The following ZC3H11A variants were observed in gnomAD, a reference collection of about 807,000 sequenced individuals.
The protein encoded by ZC3H11A is zinc finger CCCH domain-containing protein 11A.
Under a neutral mutation model 90.8 loss-of-function variants are expected in ZC3H11A, and 22 were observed. The observed-to-expected ratio is 0.24, with a 90% CI of 0.17 to 0.35. The LOEUF (loss-of-function observed/expected upper bound fraction) is 0.35. Ranked by LOEUF, ZC3H11A falls within the 10% of genes least tolerant of loss-of-function variation. The pLI, the probability that ZC3H11A is intolerant of heterozygous loss-of-function variation, is 1.00. For missense variants in ZC3H11A, 701 were observed against 964.9 expected (o/e 0.73, Z 3.62); for synonymous variants, 294 against 339.8 (o/e 0.87, Z 1.48).
chr1:203,797,802 C>A (rs904831183), intron 1 of ZC3H11A: 3 of 1,535,912 alleles, frequency 2.0e-6, no homozygotes, highest in Non-Finnish European at 2.6e-6. Context: ...ATCTGGGAGG[C>A]CTGTTGCAGA....
rs1668971486 is a variant in ZC3H11A at position 203,797,565 on chromosome 1, C to T, written c.-1588+1771C>T. On this transcript the variant is annotated intron_variant, in intron 1 of 17. Coordinates refer to ENST00000367210, the MANE Select transcript of ZC3H11A (RefSeq NM_001376342.1). ...AAGTGTACCAGTTTCTTCACTCTCT[C>T]CTGGCAGAAGATGCAACACTTTTAG... is the stretch of plus-strand genomic sequence containing the variant. 6.5e-7 allele frequency: 1 copy of T among 1,531,194 alleles called. No individual in the cohort carries two copies. Among genetic ancestry groups the T allele is most frequent in the Non-Finnish European group, 8.7e-7 (1 of 1,145,482 alleles). 94.9% of individuals were successfully genotyped at this position (1,531,194 alleles called of 1,614,324 possible).
intron 4 of ZC3H11A, among the ~76,000 whole-genome samples, chr1:203,821,836 C>A (rs571063399): frequency 2.3e-4 from 35 of 151,980 alleles, no homozygotes; most frequent in Admixed American, 2.1e-3. Context: ...CCGCTCACTG[C>A]AAGCTCCGCC....
chr1:203,845,109 G>A lies in ZC3H11A; in HGVS notation c.1043-2075G>A, dbSNP rs558715304. Among the ~76,000 whole-genome samples, 3 of 152,110 alleles carry A rather than the reference G, an allele frequency of 2.0e-5. No homozygotes were observed. The East Asian group carries it at 5.8e-4, about 29-fold the overall frequency. ...CTGTATTGGGAGGAACAGAACTCACGCCTATGGTTTTAACTATTATTTTTC... is the reference window on the plus strand; with the variant it reads ...CTGTATTGGGAGGAACAGAACTCACACCTATGGTTTTAACTATTATTTTTC... On this transcript the variant is annotated intron_variant, in intron 12 of 17. Coordinates refer to ENST00000367210, the MANE Select transcript of ZC3H11A (RefSeq NM_001376342.1).
At chr1:203,797,886 C>T in intron 1 of ZC3H11A, 4 of 1,536,082 alleles carry the variant, frequency 2.6e-6, no homozygotes, top group Non-Finnish European at 3.5e-6. Flanking sequence ...TATAGAAAAA[C>T]AGATCTATCT....
intron 1 of ZC3H11A, chr1:203,796,685 A>G (rs947937628): frequency 6.1e-5 from 23 of 379,352 alleles, no homozygotes; most frequent in Non-Finnish European, 9.8e-5. Context: ...ACTTTTTGCT[A>G]TCTCTATAGC....
At chr1:203,808,781 C>T (rs565814111) in intron 2 of ZC3H11A, among the ~76,000 whole-genome samples, 2 of 152,174 alleles carry the variant, frequency 1.3e-5, no homozygotes, top group South Asian at 2.1e-4. Flanking sequence ...TCATCTTCGT[C>T]GTCGTCATCG....
Position 203,847,279 on chromosome 1 carries a change from C to T in ZC3H11A, c.1138C>T (p.Leu380Phe), listed in dbSNP as rs1688155830. ...GAAACGTGGAGAATTGCAAACTAAA[C>T]TCAAGACAGAAGGACCTTCAAAAAC... is the stretch of plus-strand genomic sequence containing the variant. ...SQKRGELQTK[L>F]KTEGPSKTDD... Residue 380 changes from leucine to phenylalanine, a missense_variant, in exon 13 of 18, where the codon CTC becomes TTC. By Grantham distance (22) the Leu-to-Phe change is conservative. Around this residue, in one of 4 missense-constraint regions of ZC3H11A, gnomAD observed 530 missense variants for 696.2 expected, o/e 0.76. Transcript: ENST00000367210. The T allele has an allele frequency of 6.2e-7, 1 of 1,613,730 alleles. No individual in the cohort carries two copies. Among genetic ancestry groups the T allele is most frequent in the African/African-American group, 1.3e-5 (1 of 74,858 alleles).
intron 2 of ZC3H11A, among the ~76,000 whole-genome samples, chr1:203,806,426 T>G (rs1329472002): frequency 1.3e-5 from 2 of 152,096 alleles, no homozygotes; most frequent in East Asian, 3.8e-4. Flanking sequence ...CTCAGCCTGC[T>G]GAGTAGCTGG....
chr1:203,817,752 T>A (rs1676853635), intron 3 of ZC3H11A, among the ~76,000 whole-genome samples: 1 of 152,078 alleles, frequency 6.6e-6, no homozygotes, highest in African/African-American at 2.4e-5. Flanking sequence ...TCTTGATTTT[T>A]TTTTTATTTT....
intron 9 of ZC3H11A, among the ~76,000 whole-genome samples, chr1:203,833,204 CT>C (rs1682980021): frequency 6.6e-6 from 1 of 151,944 alleles, no homozygotes; most frequent in South Asian, 2.1e-4. Context: ...CTTGTCTCTA[CT>C]AAAAATACAA....
At chr1:203,799,005 T>C in intron 1 of ZC3H11A, 1 of 1,536,196 alleles carries the variant, frequency 6.5e-7, no homozygotes, top group Non-Finnish European at 8.7e-7. Flanking sequence ...ATCCACTGAC[T>C]ATTTTATTGT....
chr1:203,828,609 A>G (rs1287736588), intron 5 of ZC3H11A, among the ~76,000 whole-genome samples, 187 bp downstream of exon 5: 1 of 152,198 alleles, frequency 6.6e-6, no homozygotes, highest in Non-Finnish European at 1.5e-5. Context: ...GAACCATTAT[A>G]TATCTTGGCA....
At chr1:203,850,713 T>A (rs1689049166) in intron 16 of ZC3H11A, 32 bp downstream of exon 16, 2 of 1,601,234 alleles carry the variant, frequency 1.2e-6, no homozygotes, top group East Asian at 4.5e-5. Context: ...TGGTGCTTTA[T>A]TCTGTGTGGT....
chr1:203,823,357 A>G (rs1053702900), intron 4 of ZC3H11A, among the ~76,000 whole-genome samples: 1 of 152,216 alleles, frequency 6.6e-6, no homozygotes, highest in Admixed American at 6.5e-5. Context: ...AAATGCAGCA[A>G]TGCATGTGTG....
intron 1 of ZC3H11A, chr1:203,797,946 G>C: frequency 6.5e-7 from 1 of 1,536,034 alleles, no homozygotes; most frequent in Non-Finnish European, 8.7e-7. Context: ...CTTTCATGTT[G>C]ACCCCCAGTA....
intron 1 of ZC3H11A, chr1:203,800,835 G>T (rs912552710): frequency 1.9e-5 from 3 of 158,522 alleles, no homozygotes; most frequent in African/African-American, 7.2e-5. Context: ...TCAACGAAAT[G>T]AGAAAAAAGT....
At chr1:203,825,579 C>T (rs997321294) in intron 4 of ZC3H11A, among the ~76,000 whole-genome samples, 7 of 151,920 alleles carry the variant, frequency 4.6e-5, no homozygotes, top group Non-Finnish European at 5.9e-5. Flanking sequence ...GGACTACAGG[C>T]GCCCTCCACC....
chr1:203,846,988 G>A (rs1688082115), intron 12 of ZC3H11A, among the ~76,000 whole-genome samples, 196 bp from the exon 13 acceptor site: 1 of 151,290 alleles, frequency 6.6e-6, no homozygotes, highest in Admixed American at 6.6e-5. Flanking sequence ...CTGGGTAACA[G>A]AGTGAGACTC....
chr1:203,824,356 A>AT (rs1679795382), intron 4 of ZC3H11A, among the ~76,000 whole-genome samples: 1 of 152,118 alleles, frequency 6.6e-6, no homozygotes, highest in Non-Finnish European at 1.5e-5. Flanking sequence ...GGAAGTATAA[A>AT]GGTGAAACTT....
Sources: allele counts gnomAD v4.1 joint callset (sites outside exome capture counted in the v4.1 genomes callset), GRCh38; gene constraint gnomAD v4.1.1; regional missense constraint gnomAD v4.1.1; transcripts MANE v1.5; gene names NCBI Gene and HGNC (gene_info 2026-07-23, HGNC 2026-07-21).